The following ZMIZ1 variants were observed in gnomAD, a reference collection of about 807,000 sequenced individuals.
The protein encoded by ZMIZ1 is zinc finger MIZ domain-containing protein 1.
ZMIZ1 carries 17 observed loss-of-function variants against 113.9 expected under a neutral mutation model. That is an observed-to-expected ratio of 0.15 (90% CI 0.10 to 0.22). The LOEUF (loss-of-function observed/expected upper bound fraction) is 0.22, where lower values mean the gene tolerates loss of function less well. Ranked by LOEUF, ZMIZ1 falls within the 10% of genes least tolerant of loss-of-function variation. ZMIZ1 has a pLI of 1.00. For missense variants in ZMIZ1, 1,059 were observed against 1,477.8 expected (o/e 0.72, Z 4.65); for synonymous variants, 607 against 603.1 (o/e 1.01, Z -0.09).
intron 7 of ZMIZ1, among the ~76,000 whole-genome samples, chr10:79,273,348 T>TTTTC (rs72149160): frequency 2.2e-4 from 34 of 151,620 alleles, no homozygotes; most frequent in Non-Finnish European, 3.5e-4. Flanking sequence ...TTGGTTTCTT[T>TTTTC]TTTCTTTCTT....
intron 1 of ZMIZ1, among the ~76,000 whole-genome samples, chr10:79,080,774 CAGA>C (rs1221368646): frequency 1.3e-5 from 2 of 152,082 alleles, no homozygotes; most frequent in Non-Finnish European, 2.9e-5. Flanking sequence ...CCCCTTTAGG[CAGA>C]AGGAGTGGGT....
intron 23 of ZMIZ1, among the ~76,000 whole-genome samples, chr10:79,309,516 G>A (rs1376519598): frequency 1.3e-5 from 2 of 152,192 alleles, no homozygotes; most frequent in South Asian, 2.1e-4. Context: ...CAGCAGCACC[G>A]TTGCGAGGTC....
chr10:79,190,968 A>G (rs1443891151), intron 4 of ZMIZ1, among the ~76,000 whole-genome samples: 1 of 152,138 alleles, frequency 6.6e-6, no homozygotes, highest in African/African-American at 2.4e-5. Context: ...TAGACCACCT[A>G]GAAGACTTCA....
At chr10:79,183,619 G>T (rs1327197058) in intron 4 of ZMIZ1, among the ~76,000 whole-genome samples, 2 of 152,192 alleles carry the variant, frequency 1.3e-5, no homozygotes, top group Admixed American at 6.5e-5. Context: ...TGCCTGGTTG[G>T]GTTCAAACAT....
In ZMIZ1 at chr10:79,078,039, C is replaced by G. The variant is rs566068673; in HGVS notation, c.-337+8769C>G. On this transcript the variant is annotated intron_variant, in intron 1 of 24. Coordinates refer to ENST00000334512, the MANE Select transcript of ZMIZ1 (RefSeq NM_020338.4). Reference sequence around the variant, plus strand: ...CCACACTCTTGTGTAGCACAAAGGGCTGGCCCATCATCTCTGAGAGGCCCC... The same window carrying G: ...CCACACTCTTGTGTAGCACAAAGGGGTGGCCCATCATCTCTGAGAGGCCCC... Among the ~76,000 whole-genome samples, 19 of 152,344 alleles carry G rather than the reference C, an allele frequency of 1.2e-4. No homozygotes were observed. The South Asian group carries it at 3.5e-3, about 28-fold the overall frequency.
Position 79,299,079 on chromosome 10 carries a change from T to A in ZMIZ1, c.1696T>A (p.Phe566Ile). Residue 566 changes from phenylalanine to isoleucine, a missense_variant, in exon 16 of 25, where the codon TTC (phenylalanine) becomes ATC (isoleucine). Phe to Ile is a conservative substitution (Grantham distance 21). Coordinates refer to ENST00000334512, the MANE Select transcript of ZMIZ1 (RefSeq NM_020338.4). ...CCACAATGACGAGCTGCGGCTCACA[T>A]TCCCTGTGCGGGATGGCGTGGTGCT... ...ANHNDELRLT[F>I]PVRDGVVLEP... 1.9e-6 allele frequency: 3 copies of A among 1,612,248 alleles called. No homozygotes were observed. The highest frequency in any genetic ancestry group is 2.5e-6 in the Non-Finnish European group (3 of 1,179,576).
At chr10:79,240,045 C>T (rs1190283998) in intron 7 of ZMIZ1, among the ~76,000 whole-genome samples, 5 of 152,224 alleles carry the variant, frequency 3.3e-5, no homozygotes, top group African/African-American at 9.6e-5. Context: ...TCGGCGGCTC[C>T]TCCTCGCCAG....
intron 1 of ZMIZ1, among the ~76,000 whole-genome samples, chr10:79,108,235 G>A (rs920746426): frequency 4.6e-5 from 7 of 152,196 alleles, no homozygotes; most frequent in Admixed American, 1.3e-4. Flanking sequence ...TCCTCAGGAC[G>A]AGCAGCCCTG....
chr10:79,115,300 G>A (rs1056610346), intron 1 of ZMIZ1, among the ~76,000 whole-genome samples: 1 of 152,192 alleles, frequency 6.6e-6, no homozygotes, highest in African/African-American at 2.4e-5. Flanking sequence ...TCTGCTACAG[G>A]ACAGACCGTG....
At chr10:79,285,496 G>A (rs563206939) in intron 8 of ZMIZ1, 31 of 456,054 alleles carry the variant, frequency 6.8e-5, no homozygotes, top group African/African-American at 3.6e-4. Context: ...TGGTTTCATC[G>A]CTTCCCTCTG....
chr10:79,193,604 C>T (rs1847699163), intron 4 of ZMIZ1, among the ~76,000 whole-genome samples: 1 of 152,218 alleles, frequency 6.6e-6, no homozygotes, highest in South Asian at 2.1e-4. Context: ...AACTGGAAGA[C>T]ATTCCAGCTG....
chr10:79,090,226 C>T (rs757791309), intron 1 of ZMIZ1, among the ~76,000 whole-genome samples: 5 of 152,224 alleles, frequency 3.3e-5, no homozygotes, highest in Non-Finnish European at 5.9e-5. Flanking sequence ...GGTGCAGTGC[C>T]TGGGGTGCTT....
At position 79,306,207 on chromosome 10, in the gene ZMIZ1, G is replaced by A. The variant is rs777328350; in HGVS notation, c.2531G>A (p.Arg844Gln). 10 of 1,614,048 alleles carry A rather than the reference G, an allele frequency of 6.2e-6. No homozygotes were observed. The highest frequency in any genetic ancestry group is 1.7e-5 in the Admixed American group (1 of 60,006). The change falls in exon 22 of 25, where the codon CGG becomes CAG. Residue 844 changes from arginine to glutamine, a missense_variant. Coordinates refer to ENST00000334512, the MANE Select transcript of ZMIZ1 (RefSeq NM_020338.4). ...GACCCTGATGGCATCCCCTCCAAGC[G>A]GTTCAAGACCATGAGTCCCAGCCAG... Reference protein sequence around the residue: ...KDDPDGIPSKRFKTMSPSQMI... With the variant: ...KDDPDGIPSKQFKTMSPSQMI...
At chr10:79,271,725 T>C (rs1344688466) in intron 7 of ZMIZ1, among the ~76,000 whole-genome samples, 1 of 152,158 alleles carries the variant, frequency 6.6e-6, no homozygotes, top group Non-Finnish European at 1.5e-5. Flanking sequence ...CCATTAGAGA[T>C]GAGCCTTAAA....
chr10:79,101,740 C>T (rs1843370948), intron 1 of ZMIZ1, among the ~76,000 whole-genome samples: 1 of 152,142 alleles, frequency 6.6e-6, no homozygotes, highest in African/African-American at 2.4e-5. Context: ...CTGGCAGGTG[C>T]GTTCCATCAT....
At position 79,185,608 on chromosome 10, in the gene ZMIZ1, A is replaced by G. The variant is rs1038322934; in HGVS notation, c.-49-15976A>G. Among the ~76,000 whole-genome samples, 12 of 152,226 alleles carry G rather than the reference A, an allele frequency of 7.9e-5. 1 individual carries two copies. The South Asian group carries it at 2.3e-3, about 29-fold the overall frequency. ...GCCACCAGATCGCTATGTCCGGGGT[A>G]GGTCACAGCCTTTGTATCTTCTCCT... On this transcript the variant is annotated intron_variant, in intron 4 of 24. Transcript: ENST00000334512.
At chr10:79,157,202 C>T (rs1461613558) in intron 3 of ZMIZ1, among the ~76,000 whole-genome samples, 1 of 152,156 alleles carries the variant, frequency 6.6e-6, no homozygotes. Flanking sequence ...CGATTTCTTC[C>T]TCTGTAAAGT....
intron 4 of ZMIZ1, among the ~76,000 whole-genome samples, chr10:79,188,614 C>T (rs1337825909): frequency 6.6e-5 from 10 of 152,018 alleles, no homozygotes; most frequent in Non-Finnish European, 1.3e-4. Context: ...GAATCTTCCT[C>T]CTGTCCCCCA....
chr10:79,234,995 T>C (rs1006405553), intron 7 of ZMIZ1, among the ~76,000 whole-genome samples: 1 of 152,228 alleles, frequency 6.6e-6, no homozygotes, highest in African/African-American at 2.4e-5. Flanking sequence ...TCTGTCTCAG[T>C]TGGGGACTTG....
Sources: gnomAD v4.1 joint callset for allele counts (sites outside exome capture counted in the v4.1 genomes callset) on GRCh38, gnomAD v4.1.1 for gene constraint, MANE v1.5 for transcripts, NCBI Gene and HGNC (gene_info 2026-07-23, HGNC 2026-07-21) for gene names.